The following KIAA1217 variants were observed in gnomAD, a reference collection of about 807,000 sequenced individuals.
KIAA1217 encodes sickle tail protein homolog.
Under a neutral mutation model 163.9 loss-of-function variants are expected in KIAA1217, and 88 were observed. That is an observed-to-expected ratio of 0.54 (90% confidence interval 0.45 to 0.64). The LOEUF is 0.64. KIAA1217 is among the 30% of genes least tolerant of loss of function. The probability of loss-of-function intolerance (pLI) is 0.00; values close to 1 mark genes in which losing one functional copy is unlikely to be tolerated. For synonymous variants in KIAA1217, 903 were observed against 923.1 expected (o/e 0.98, Z 0.39); for missense variants, 2,372 against 2,475.0 (o/e 0.96, Z 0.88).
At chr10:24,161,245 G>A (rs1165994482) in intron 2 of KIAA1217, among the ~76,000 whole-genome samples, 1 of 152,170 alleles carries the variant, frequency 6.6e-6, no homozygotes, top group Non-Finnish European at 1.5e-5. Context: ...AAAATGTTAA[G>A]AACAGAGAGC....
At chr10:24,215,601 T>C (rs1056054698) in intron 1 of KIAA1217, among the ~76,000 whole-genome samples, 1 of 152,210 alleles carries the variant, frequency 6.6e-6, no homozygotes, top group East Asian at 1.9e-4. Context: ...GATCCCTCTC[T>C]AGTTTGTAAT....
intron 3 of KIAA1217, among the ~76,000 whole-genome samples, chr10:24,402,282 G>T (rs557321535): frequency 2.6e-5 from 4 of 152,162 alleles, no homozygotes; most frequent in Non-Finnish European, 5.9e-5. Flanking sequence ...CAAGGCGGGC[G>T]GATCACGAGG....
intron 1 of KIAA1217, among the ~76,000 whole-genome samples, chr10:23,811,404 A>C (rs1837045135): frequency 6.6e-6 from 1 of 150,832 alleles, no homozygotes; most frequent in South Asian, 2.1e-4. Context: ...CTGGAGAGGG[A>C]AAAAAGGGGA....
chr10:24,133,459 C>T (rs949318334), intron 2 of KIAA1217, among the ~76,000 whole-genome samples: 1 of 151,690 alleles, frequency 6.6e-6, no homozygotes, highest in African/African-American at 2.4e-5. Flanking sequence ...GTAATCCCAT[C>T]TACTGGGGAG....
chr10:24,009,131 T>G (rs1330529134), intron 2 of KIAA1217, among the ~76,000 whole-genome samples: 1 of 152,210 alleles, frequency 6.6e-6, no homozygotes, highest in Non-Finnish European at 1.5e-5. Flanking sequence ...TTGCAACCAC[T>G]TTAAATAATT....
At chr10:23,698,777 G>A (rs900622442) in intron 1 of KIAA1217, among the ~76,000 whole-genome samples, 3 of 151,998 alleles carry the variant, frequency 2.0e-5, no homozygotes, top group South Asian at 2.1e-4. Flanking sequence ...CTAACGGATC[G>A]GCTATCCTAT....
chr10:24,046,485 G>T (rs1238807850), intron 2 of KIAA1217, among the ~76,000 whole-genome samples: 1 of 152,186 alleles, frequency 6.6e-6, no homozygotes, highest in African/African-American at 2.4e-5. Flanking sequence ...CTGCATGGCT[G>T]AGGAGGCCTC....
intron 5 of KIAA1217, among the ~76,000 whole-genome samples, chr10:24,471,119 C>T (rs1009026638): frequency 2.6e-5 from 4 of 152,108 alleles, no homozygotes; most frequent in Non-Finnish European, 4.4e-5. Flanking sequence ...GTGCATTAGG[C>T]TCTGTTTCAT....
intron 2 of KIAA1217, among the ~76,000 whole-genome samples, chr10:24,092,340 A>G (rs2061966016): frequency 6.6e-6 from 1 of 151,814 alleles, no homozygotes; most frequent in Non-Finnish European, 1.5e-5. Flanking sequence ...TCACCAAACT[A>G]CTATCATTAT....
chr10:24,500,802 G>T (rs975931468), intron 8 of KIAA1217, among the ~76,000 whole-genome samples: 1 of 152,066 alleles, frequency 6.6e-6, no homozygotes, highest in Non-Finnish European at 1.5e-5. Context: ...CAAAAAATTG[G>T]CCAAGTGCGG....
intron 3 of KIAA1217, among the ~76,000 whole-genome samples, chr10:24,393,023 C>T (rs1334809697): frequency 2.6e-5 from 4 of 151,826 alleles, no homozygotes; most frequent in African/African-American, 4.8e-5. Flanking sequence ...TTATTTAACT[C>T]GATACAAGTT....
chr10:24,236,002 A>G (rs1393725283), intron 2 of KIAA1217, among the ~76,000 whole-genome samples: 1 of 152,076 alleles, frequency 6.6e-6, no homozygotes, highest in Non-Finnish European at 1.5e-5. Context: ...CTGAGTTCAA[A>G]TCTCAGCTCC....
intron 2 of KIAA1217, among the ~76,000 whole-genome samples, chr10:24,304,795 T>C (rs1485545762): frequency 6.6e-6 from 1 of 152,182 alleles, no homozygotes; most frequent in Non-Finnish European, 1.5e-5. Flanking sequence ...TGCAAAGCTA[T>C]GTAGCCTCTA....
chr10:24,114,476 T>C (rs1204793048), intron 2 of KIAA1217, among the ~76,000 whole-genome samples: 1 of 152,212 alleles, frequency 6.6e-6, no homozygotes, highest in Non-Finnish European at 1.5e-5. Context: ...TGCAGCCAGC[T>C]AAGTGCTTTC....
chr10:23,764,423 G>C (rs1834411945), intron 1 of KIAA1217, among the ~76,000 whole-genome samples: 1 of 152,052 alleles, frequency 6.6e-6, no homozygotes, highest in Non-Finnish European at 1.5e-5. Flanking sequence ...AGAACCATTT[G>C]ACCCAGCAAT....
At chr10:24,078,786 G>C (rs2131647033) in intron 2 of KIAA1217, among the ~76,000 whole-genome samples, 1 of 152,268 alleles carries the variant, frequency 6.6e-6, no homozygotes, top group Non-Finnish European at 1.5e-5. Flanking sequence ...GAGAGAGAGA[G>C]ACAAATGAAA....
chr10:24,104,937 G>T (rs1304406568), intron 2 of KIAA1217, among the ~76,000 whole-genome samples: 2 of 152,116 alleles, frequency 1.3e-5, no homozygotes, highest in Non-Finnish European at 2.9e-5. Context: ...GTTTTACCTG[G>T]AATAATCAAA....
intron 2 of KIAA1217, among the ~76,000 whole-genome samples, chr10:24,142,503 A>G (rs79804160): frequency 8.3e-4 from 127 of 152,348 alleles, no homozygotes; most frequent in African/African-American, 2.8e-3. Context: ...GTTGGGTCCA[A>G]TCCACACTAT....
intron 2 of KIAA1217, among the ~76,000 whole-genome samples, chr10:24,337,399 A>G (rs917877379): frequency 1.6e-4 from 24 of 152,310 alleles, no homozygotes; most frequent in Middle Eastern, 6.8e-3. Context: ...ATGAAGGAGT[A>G]TCTCATTGTA....
Sources: allele counts gnomAD v4.1 joint callset (sites outside exome capture counted in the v4.1 genomes callset), GRCh38; gene constraint gnomAD v4.1.1; transcripts MANE v1.5; gene names NCBI Gene and HGNC (gene_info 2026-07-23, HGNC 2026-07-21).